NAT10: variants seen among roughly 807,000 people sequenced by gnomAD.
The protein encoded by NAT10 is RNA cytidine acetyltransferase.
NAT10 carries 109 observed loss-of-function variants against 132.2 expected under a neutral mutation model. The observed-to-expected ratio is 0.82, with a 90% CI of 0.71 to 0.97. The LOEUF is 0.97. NAT10 is among the 50% of genes least tolerant of loss of function. The pLI is 0.00. For missense variants in NAT10, 1,184 were observed against 1,263.4 expected (o/e 0.94, Z 0.95); for synonymous variants, 479 against 478.0 (o/e 1.00, Z -0.03).
Position 34,134,502 on chromosome 11 carries a change from T to C in NAT10, c.1837-10T>C. The C allele has an allele frequency of 6.2e-7, 1 of 1,614,134 alleles. No homozygotes were observed. The highest frequency in any genetic ancestry group is 1.1e-5 in the South Asian group (1 of 91,088). Reference sequence around the variant, plus strand: ...TGTTGCTAAGTTACTGGTTTGTGTCTCCCACACAGTTCCAAGATCCAGACT... The same window carrying C: ...TGTTGCTAAGTTACTGGTTTGTGTCCCCCACACAGTTCCAAGATCCAGACT... On this transcript the variant is annotated splice_polypyrimidine_tract_variant and intron_variant, in intron 17 of 28. Coordinates refer to ENST00000257829, the MANE Select transcript of NAT10 (RefSeq NM_024662.3).
intron 8 of NAT10, among the ~76,000 whole-genome samples, chr11:34,122,090 C>A (rs892784171): frequency 6.6e-6 from 1 of 151,970 alleles, no homozygotes; most frequent in Non-Finnish European, 1.5e-5. Context: ...GCAGGAAAAT[C>A]GCTTGAACCT....
chr11:34,125,646 G>A (rs572008559), intron 11 of NAT10, among the ~76,000 whole-genome samples: 1 of 152,292 alleles, frequency 6.6e-6, no homozygotes, highest in African/African-American at 2.4e-5. Flanking sequence ...GCCCTGTTGA[G>A]GATGTACATT....
Position 34,133,149 on chromosome 11 carries a change from G to A in NAT10, c.1734+7G>A. 1 of 1,589,072 alleles carries A rather than the reference G, an allele frequency of 6.3e-7. No individual in the cohort carries two copies. The highest frequency in any genetic ancestry group is 2.2e-5 in the East Asian group (1 of 44,722). ...AGTGCTTGCTGTTATCCAGGTATAG[G>A]AGCAGAGGCGTCCTTGTGGCAGTGA... On this transcript the variant is annotated splice_region_variant and intron_variant, in intron 16 of 28. Coordinates refer to ENST00000257829, the MANE Select transcript of NAT10 (RefSeq NM_024662.3).
At chr11:34,117,173 T>A (rs1409412940) in intron 6 of NAT10, among the ~76,000 whole-genome samples, 3 of 127,362 alleles carry the variant, frequency 2.4e-5, no homozygotes, top group African/African-American at 8.8e-5. Flanking sequence ...AGCAGGGACC[T>A]GTTTAACTGA....
Position 34,141,710 on chromosome 11 carries a change from C to G in NAT10, c.2713-9C>G, listed in dbSNP as rs376869384. On this transcript the variant is annotated splice_polypyrimidine_tract_variant and intron_variant, in intron 25 of 28. Transcript: ENST00000257829. ...CATCTTCTGCTTCTCTGTTGGTTGT[C>G]TTTTGTAGCTATTTAATGAAGTTCA... The G allele has an allele frequency of 1.5e-4, 234 of 1,613,620 alleles. 2 individuals are homozygous for G. The South Asian group carries it at 2.5e-3, about 17-fold the overall frequency.
At chr11:34,122,199 G>A (rs920046332) in intron 8 of NAT10, among the ~76,000 whole-genome samples, 2 of 152,120 alleles carry the variant, frequency 1.3e-5, no homozygotes, top group East Asian at 3.8e-4. Flanking sequence ...AAAGTCTGAT[G>A]TGCAGGGAAG....
In NAT10 at chr11:34,108,195, T is replaced by G; in HGVS notation, c.-15-16T>G. ...AATCTAGTGCGCATGGCCAGTTGTA[T>G]TTCTTTCTCTTTTAGTAATAATTTT... On this transcript the variant is annotated splice_polypyrimidine_tract_variant and intron_variant, in intron 1 of 28. Coordinates refer to ENST00000257829, the MANE Select transcript of NAT10 (RefSeq NM_024662.3). 1 of 1,574,702 alleles carries G rather than the reference T, an allele frequency of 6.4e-7. No homozygotes were observed.
intron 15 of NAT10, among the ~76,000 whole-genome samples, chr11:34,132,557 A>G (rs1852125183): frequency 6.6e-6 from 1 of 152,204 alleles, no homozygotes; most frequent in South Asian, 2.1e-4. Flanking sequence ...TTTATGGAAC[A>G]GTGAATTTGA....
At position 34,130,937 on chromosome 11, in the gene NAT10, G is replaced by C; in HGVS notation, c.1369G>C (p.Ala457Pro). ...KTTTTARLAS[A>P]RTLYEVSLQE... is the part of the protein sequence containing the mutation. ...CACGACGACAGCCAGATTGGCATCAGGTACCCCAGAACCTGACCCGGGTCC... is the reference window on the plus strand; with the variant it reads ...CACGACGACAGCCAGATTGGCATCACGTACCCCAGAACCTGACCCGGGTCC... The change falls in exon 13 of 29, where the codon GCG (alanine) becomes CCG (proline). Residue 457 changes from alanine (A) to proline (P), a missense_variant and splice_region_variant. Coordinates refer to ENST00000257829, the MANE Select transcript of NAT10 (RefSeq NM_024662.3). The C allele has an allele frequency of 6.2e-7, 1 of 1,613,966 alleles. No individual in the cohort carries two copies. The highest frequency in any genetic ancestry group is 8.5e-7 in the Non-Finnish European group (1 of 1,179,894).
intron 21 of NAT10, among the ~76,000 whole-genome samples, chr11:34,138,513 G>C (rs932414883): frequency 6.6e-6 from 1 of 152,188 alleles, no homozygotes; most frequent in Admixed American, 6.5e-5. Flanking sequence ...TGCAGAGATG[G>C]GTTGAGTCTC....
At position 34,146,428 on chromosome 11, in the gene NAT10, G is replaced by A. The variant is rs953333793; in HGVS notation, c.*236G>A. ...GCACTGCCATCTCTAGAATTGCCAC[G>A]AGTCTCTCTCTTCCTGCCCAGTCCA... is the stretch of plus-strand genomic sequence containing the variant. On this transcript the variant is annotated 3_prime_UTR_variant, in exon 29 of 29. Transcript: ENST00000257829. 4 of 417,762 alleles carry A rather than the reference G, an allele frequency of 9.6e-6. No homozygotes were observed. Among genetic ancestry groups the A allele is most frequent in the East Asian group, 4.3e-5 (1 of 23,244 alleles). The allele number at this position is 417,762 out of a possible 1,614,324, so 25.9% of individuals were successfully genotyped here.
Position 34,139,387 on chromosome 11 carries a change from T to G in NAT10, c.2311T>G (p.Phe771Val). Residue 771 changes from phenylalanine (F) to valine (V), a missense_variant and splice_region_variant, in exon 23 of 29, where the codon TTC (phenylalanine) becomes GTC (valine). By Grantham distance (50) the Phe-to-Val change is conservative. Coordinates refer to ENST00000257829, the MANE Select transcript of NAT10 (RefSeq NM_024662.3). The part of the protein sequence containing the change: ...GGWLAAFWKD[F>V]RRRFLALLSY... ...CTCTGCGTGATGGCACCCCACAGAT[T>G]TCCGACGGCGGTTCCTAGCCTTGCT... is the stretch of plus-strand genomic sequence containing the variant. 6.2e-7 allele frequency: 1 copy of G among 1,614,054 alleles called. No homozygotes were observed. The highest frequency in any genetic ancestry group is 8.5e-7 in the Non-Finnish European group (1 of 1,179,982).
intron 3 of NAT10, among the ~76,000 whole-genome samples, chr11:34,110,962 ACT>A (rs1168586477): frequency 1.3e-5 from 2 of 152,162 alleles, no homozygotes; most frequent in Non-Finnish European, 2.9e-5. Flanking sequence ...TGTTGTATAT[ACT>A]CTCATATTTA....
intron 23 of NAT10, among the ~76,000 whole-genome samples, chr11:34,140,082 A>G (rs1012040156): frequency 5.9e-5 from 9 of 152,340 alleles, no homozygotes; most frequent in Admixed American, 5.2e-4. Context: ...TGTGACACCA[A>G]ATGAAGTGAC....
intron 21 of NAT10, among the ~76,000 whole-genome samples, chr11:34,138,226 A>G (rs186233595): frequency 3.5e-4 from 53 of 152,280 alleles, no homozygotes; most frequent in Admixed American, 2.0e-3. Context: ...GTGACCACCT[A>G]CTTCATCCTT....
At chr11:34,106,381 C>T (rs187511831) in intron 1 of NAT10, among the ~76,000 whole-genome samples, 14 of 152,014 alleles carry the variant, frequency 9.2e-5, no homozygotes, top group African/African-American at 3.4e-4. Flanking sequence ...CCATAGTAAT[C>T]TCAGCCCTTC....
At chr11:34,115,519 A>G (rs1183318740) in intron 5 of NAT10, among the ~76,000 whole-genome samples, 1 of 152,266 alleles carries the variant, frequency 6.6e-6, no homozygotes, top group East Asian at 1.9e-4. Context: ...AACAGAGGTC[A>G]TGCTTTGTTC....
intron 19 of NAT10, among the ~76,000 whole-genome samples, chr11:34,136,316 A>T (rs1360135598): frequency 6.6e-6 from 1 of 152,122 alleles, no homozygotes; most frequent in African/African-American, 2.4e-5. Context: ...TCCTGACCTC[A>T]GGTGATCCAC....
chr11:34,142,331 G>T lies in NAT10; in HGVS notation c.2868G>T (p.Lys956Asn). ...EKHKKEVGKL[K>N]SMDLSEYIIR... ...ACAAGAAGGAAGTAGGGAAGCTGAA[G>T]AGCATGGACCTCTCTGAGTAAGGCT... Residue 956 changes from lysine (K) to asparagine (N), a missense_variant, in exon 27 of 29, where the codon AAG (lysine) becomes AAT (asparagine). By Grantham distance (94) the Lys-to-Asn change is moderately conservative. Transcript: ENST00000257829. 1 of 1,614,168 alleles carries T rather than the reference G, an allele frequency of 6.2e-7. No homozygotes were observed. Among genetic ancestry groups the T allele is most frequent in the Non-Finnish European group, 8.5e-7 (1 of 1,179,996 alleles).
Sources: gnomAD v4.1 joint callset for allele counts (sites outside exome capture counted in the v4.1 genomes callset) on GRCh38, gnomAD v4.1.1 for gene constraint, MANE v1.5 for transcripts, NCBI Gene and HGNC (gene_info 2026-07-23, HGNC 2026-07-21) for gene names.